Variants in MCTP2 observed in about 807,000 individuals in gnomAD.
The protein encoded by MCTP2 is multiple C2 and transmembrane domain-containing protein 2.
Under a neutral mutation model 111.6 loss-of-function variants are expected in MCTP2, and 132 were observed. The observed-to-expected ratio is 1.18, with a 90% CI of 1.03 to 1.37. The LOEUF (loss-of-function observed/expected upper bound fraction) is 1.37. Ranked by LOEUF, MCTP2 falls within the 40% of genes most tolerant of loss-of-function variation. The pLI, the probability that MCTP2 is intolerant of heterozygous loss-of-function variation, is 0.00. For missense variants in MCTP2, 1,183 were observed against 1,067.9 expected (o/e 1.11, Z -1.50); for synonymous variants, 395 against 387.7 (o/e 1.02, Z -0.22).
intron 2 of MCTP2, among the ~76,000 whole-genome samples, chr15:94,305,332 C>A (rs751695827): frequency 6.6e-6 from 1 of 152,130 alleles, no homozygotes; most frequent in Non-Finnish European, 1.5e-5. Context: ...TTGTTATAGT[C>A]GCCTGAGCTG....
chr15:94,390,092 ATATATATATATATATATATATG>A (rs1457215706), intron 14 of MCTP2, among the ~76,000 whole-genome samples: 46 of 11,882 alleles, frequency 3.9e-3, no homozygotes, highest in African/African-American at 1.0e-2. Context: ...ATATATATGT[ATATATATATATATATATATATG>A]TATATATATA....
intron 4 of MCTP2, among the ~76,000 whole-genome samples, chr15:94,319,391 C>G (rs2076525853): frequency 6.6e-6 from 1 of 152,188 alleles, no homozygotes; most frequent in Admixed American, 6.5e-5. Context: ...TAACACAATC[C>G]TTTGGACCAA....
At chr15:94,460,690 C>T (rs1425325889) in intron 20 of MCTP2, among the ~76,000 whole-genome samples, 3 of 152,166 alleles carry the variant, frequency 2.0e-5, no homozygotes, top group Non-Finnish European at 2.9e-5. Context: ...GGCTCCCAAC[C>T]CTGCAGTGCT....
intron 1 of MCTP2, among the ~76,000 whole-genome samples, chr15:94,254,354 G>A (rs1466100379): frequency 6.6e-6 from 1 of 152,168 alleles, no homozygotes; most frequent in Admixed American, 6.5e-5. Flanking sequence ...AAGCACAGAT[G>A]TTGTGGTCAG....
At chr15:94,430,875 A>G (rs1436943510) in intron 17 of MCTP2, among the ~76,000 whole-genome samples, 1 of 152,182 alleles carries the variant, frequency 6.6e-6, no homozygotes, top group African/African-American at 2.4e-5. Context: ...CACCTCCTCC[A>G]AAGTCTTTGC....
chr15:94,314,473 C>T (rs1333442543), intron 3 of MCTP2, 129 bp downstream of exon 3: 1 of 679,592 alleles, frequency 1.5e-6, no homozygotes, highest in Non-Finnish European at 2.5e-6. Context: ...TATCCACTTA[C>T]AAAACCAGGC....
At chr15:94,287,680 T>C (rs1023816575) in intron 1 of MCTP2, among the ~76,000 whole-genome samples, 4 of 152,240 alleles carry the variant, frequency 2.6e-5, no homozygotes, top group Non-Finnish European at 5.9e-5. Flanking sequence ...AAAGTAAAGC[T>C]ACAGCTTCGA....
intron 17 of MCTP2, among the ~76,000 whole-genome samples, chr15:94,439,565 G>A (rs897393764): frequency 6.6e-6 from 1 of 152,058 alleles, no homozygotes; most frequent in Non-Finnish European, 1.5e-5. Flanking sequence ...TGTAGCATAG[G>A]CAGTTGGACT....
intron 11 of MCTP2, 30 bp from the exon 12 acceptor site, chr15:94,370,057 T>A (rs769203226): frequency 3.2e-5 from 50 of 1,543,068 alleles, no homozygotes; most frequent in Non-Finnish European, 4.4e-5. Flanking sequence ...AAAAAGCTGT[T>A]TTCACTTGTA....
intron 12 of MCTP2, 109 bp downstream of exon 12, chr15:94,370,289 T>C (rs773481703): frequency 2.9e-5 from 23 of 783,846 alleles, no homozygotes; most frequent in Non-Finnish European, 4.3e-5. Context: ...ATAACAGTCA[T>C]GCTCCTTCAA....
intron 11 of MCTP2, 26 bp from the exon 12 acceptor site, chr15:94,370,061 A>C: frequency 6.4e-7 from 1 of 1,562,460 alleles, no homozygotes; most frequent in Non-Finnish European, 8.7e-7. Flanking sequence ...AGCTGTTTTC[A>C]CTTGTATCAC....
At chr15:94,237,994 C>T (rs558855448) in intron 1 of MCTP2, among the ~76,000 whole-genome samples, 1 of 152,154 alleles carries the variant, frequency 6.6e-6, no homozygotes, top group East Asian at 1.9e-4. Flanking sequence ...AGTTGTCACG[C>T]CTTTTTGAAC....
chr15:94,318,272 ATT>A (rs199556945), intron 4 of MCTP2, among the ~76,000 whole-genome samples: 3 of 143,126 alleles, frequency 2.1e-5, no homozygotes, highest in Non-Finnish European at 4.6e-5. Context: ...CAAAAAAAAA[ATT>A]TTTTTTTTTT....
chr15:94,338,745 G>A (rs968763461), intron 4 of MCTP2, among the ~76,000 whole-genome samples: 5 of 152,192 alleles, frequency 3.3e-5, no homozygotes, highest in East Asian at 3.9e-4. Flanking sequence ...GTGCGGGGAC[G>A]CAGCAAAGAA....
rs76715967 is a variant in MCTP2 at position 94,407,818 on chromosome 15, T to C, written c.2085+5799T>C. ...ACACACACACACACACACACACACA[T>C]GCATGAACACGAAGAAGCAGAGGAC... On this transcript the variant is annotated intron_variant, in intron 17 of 22. Coordinates refer to ENST00000357742, the MANE Select transcript of MCTP2 (RefSeq NM_001385001.1). Among the ~76,000 whole-genome samples, 147 of 124,588 alleles carry C rather than the reference T, an allele frequency of 1.2e-3. No homozygotes were observed. The East Asian group carries it at 0.027, about 23-fold the overall frequency. 81.7% of individuals were successfully genotyped at this position (124,588 alleles called of 152,430 possible).
At chr15:94,295,705 G>C (rs985490351) in intron 1 of MCTP2, among the ~76,000 whole-genome samples, 1 of 151,626 alleles carries the variant, frequency 6.6e-6, no homozygotes, top group East Asian at 1.9e-4. Context: ...TTTTCTTTCA[G>C]CTTTAGATTT....
intron 1 of MCTP2, among the ~76,000 whole-genome samples, chr15:94,251,792 T>G (rs977712409): frequency 6.6e-6 from 1 of 152,172 alleles, no homozygotes; most frequent in Non-Finnish European, 1.5e-5. Context: ...GTTTCCTCAT[T>G]GTCCTCTCCC....
intron 14 of MCTP2, among the ~76,000 whole-genome samples, chr15:94,396,062 G>A (rs1338465148): frequency 6.6e-6 from 1 of 152,060 alleles, no homozygotes; most frequent in Non-Finnish European, 1.5e-5. Flanking sequence ...GCACTATTTG[G>A]CCATGAAAAG....
At chr15:94,462,412 A>G (rs2085270741) in intron 20 of MCTP2, among the ~76,000 whole-genome samples, 1 of 152,338 alleles carries the variant, frequency 6.6e-6, no homozygotes, top group African/African-American at 2.4e-5. Context: ...AAAACTGGAG[A>G]AATCTATGAA....
Sources: allele counts gnomAD v4.1 joint callset (sites outside exome capture counted in the v4.1 genomes callset), GRCh38; gene constraint gnomAD v4.1.1; transcripts MANE v1.5; gene names NCBI Gene and HGNC (gene_info 2026-07-23, HGNC 2026-07-21).